The following CLDN1 variants were observed in gnomAD, a reference collection of about 807,000 sequenced individuals.
CLDN1 encodes claudin 1.
Under a neutral mutation model 22.6 loss-of-function variants are expected in CLDN1, and 12 were observed. The ratio of observed to expected loss-of-function variants is 0.53; its 90% CI spans 0.34 to 0.86. The LOEUF is 0.86. Among genes scored for constraint, CLDN1 ranks in the 40% least tolerant of loss-of-function variants. CLDN1 has a pLI of 0.02. For missense variants in CLDN1, 250 were observed against 269.5 expected, an observed-to-expected ratio of 0.93 and a Z score of 0.51; for synonymous variants, 99 against 103.8, an observed-to-expected ratio of 0.95 and a Z score of 0.28.
chr3:190,308,597 G>A (rs1481580975), intron 3 of CLDN1, among the ~76,000 whole-genome samples, 158 bp from the exon 4 acceptor site: 1 of 151,886 alleles, frequency 6.6e-6, no homozygotes, highest in African/African-American at 2.4e-5. Flanking sequence ...GAACATACAC[G>A]CCAAAGAATG....
chr3:190,314,100 A>G (rs1374568508), intron 1 of CLDN1, among the ~76,000 whole-genome samples: 1 of 152,234 alleles, frequency 6.6e-6, no homozygotes, highest in East Asian at 1.9e-4. Flanking sequence ...CAAGAAACTT[A>G]GTATTGTTTG....
In CLDN1 at chr3:190,320,092, T is replaced by A. The variant is rs570678351; in HGVS notation, c.223+1892A>T. Among the ~76,000 whole-genome samples the A allele has an allele frequency of 5.9e-5, 9 of 151,728 alleles. No individual in the cohort carries two copies. In the South Asian group the frequency reaches 1.9e-3, roughly 32 times the overall value. ...TGTGTGTGGGGGGGTAGGTATTTAG[T>A]CCTTTCACCCTAGTTTTAAAAACTG... is the stretch of plus-strand genomic sequence containing the variant. On this transcript the variant is annotated intron_variant, in intron 1 of 3. Coordinates refer to ENST00000295522, the MANE Select transcript of CLDN1 (RefSeq NM_021101.5).
chr3:190,309,348 G>C (rs928648854), intron 3 of CLDN1, among the ~76,000 whole-genome samples: 3 of 152,116 alleles, frequency 2.0e-5, no homozygotes, highest in African/African-American at 7.2e-5. Context: ...CTTATGGGAT[G>C]GGCTCCAACA....
chr3:190,311,694 C>A (rs151057429), intron 2 of CLDN1, among the ~76,000 whole-genome samples: 120 of 150,504 alleles, frequency 8.0e-4, no homozygotes, highest in African/African-American at 2.8e-3. Context: ...ATTATTATAG[C>A]TGTATAATTT....
chr3:190,308,868 G>T (rs1266913986), intron 3 of CLDN1, among the ~76,000 whole-genome samples: 6 of 152,172 alleles, frequency 3.9e-5, no homozygotes, highest in Non-Finnish European at 8.8e-5. Context: ...TTGAACAGAT[G>T]ATCCATTGGT....
chr3:190,309,997 G>A (rs1716566960), intron 3 of CLDN1, among the ~76,000 whole-genome samples, 172 bp downstream of exon 3: 1 of 152,156 alleles, frequency 6.6e-6, no homozygotes, highest in Admixed American at 6.5e-5. Context: ...GGGTGTTAAA[G>A]CAATTATCAA....
intron 1 of CLDN1, among the ~76,000 whole-genome samples, chr3:190,318,418 T>C (rs1716826416): frequency 6.6e-6 from 1 of 152,170 alleles, no homozygotes; most frequent in Non-Finnish European, 1.5e-5. Flanking sequence ...CTGGAAGGAA[T>C]CTTAGAACTC....
chr3:190,315,946 A>G (rs1254868691), intron 1 of CLDN1, among the ~76,000 whole-genome samples: 1 of 152,174 alleles, frequency 6.6e-6, no homozygotes, highest in Non-Finnish European at 1.5e-5. Context: ...ACCCACCTGG[A>G]ATGACCTAAT....
At chr3:190,317,835 C>A (rs1451265336) in intron 1 of CLDN1, among the ~76,000 whole-genome samples, 2 of 152,188 alleles carry the variant, frequency 1.3e-5, no homozygotes, top group Admixed American at 1.3e-4. Flanking sequence ...AGAAATCCAC[C>A]TATAAGTGGA....
intron 2 of CLDN1, among the ~76,000 whole-genome samples, chr3:190,311,260 C>T (rs146740246): frequency 2.0e-4 from 30 of 152,296 alleles, no homozygotes; most frequent in Admixed American, 2.6e-4. Flanking sequence ...TGCATTTCAT[C>T]CTCATCGTCT....
rs1716507984 is a variant in CLDN1 at position 190,308,116 on chromosome 3, AC to A, written c.*160del. On this transcript the variant is annotated 3_prime_UTR_variant, in exon 4 of 4. Transcript: ENST00000295522. ...AAAATAAGATTAAGCCATGTTTAGC[AC>A]TGAGTATTTTAACACATGGGTTTTT... 6.0e-5 allele frequency: 49 copies of A among 812,828 alleles called. No individual in the cohort carries two copies. The South Asian group carries it at 7.3e-4, about 12-fold the overall frequency. 50.4% of individuals were successfully genotyped at this position (812,828 alleles called of 1,614,324 possible).
chr3:190,318,469 G>C (rs563242021), intron 1 of CLDN1, among the ~76,000 whole-genome samples: 4 of 152,256 alleles, frequency 2.6e-5, no homozygotes, highest in Admixed American at 2.6e-4. Flanking sequence ...ATAGGGCCTA[G>C]CTTGCATCTG....
In CLDN1 at chr3:190,322,347, G is replaced by T. The variant is rs1356220350; in HGVS notation, c.-141C>A. ...GGGGAGCCCTGCTCGCTGCGCCGCC[G>T]CTGGAGAAGCTCTGGGTCGGGGTTG... On this transcript the variant is annotated 5_prime_UTR_variant, in exon 1 of 4. Coordinates refer to ENST00000295522, the MANE Select transcript of CLDN1 (RefSeq NM_021101.5). 13 of 772,192 alleles carry T rather than the reference G, an allele frequency of 1.7e-5. No homozygotes were observed. Among genetic ancestry groups the T allele is most frequent in the Non-Finnish European group, 2.6e-5 (12 of 460,634 alleles). The allele number at this position is 772,192 out of a possible 1,614,324, so 47.8% of individuals were successfully genotyped here. A position where few individuals can be genotyped will look rare whatever the true frequency, so the allele number is the denominator to read the frequency against.
chr3:190,312,399 T>C (rs1716647310), intron 2 of CLDN1, among the ~76,000 whole-genome samples: 1 of 152,174 alleles, frequency 6.6e-6, no homozygotes, highest in Admixed American at 6.5e-5. Context: ...CACATCCTGT[T>C]TATTCTCGAA....
chr3:190,310,404 G>A, intron 2 of CLDN1, 151 bp from the exon 3 acceptor site: 1 of 606,020 alleles, frequency 1.7e-6, no homozygotes, highest in Non-Finnish European at 2.9e-6. Context: ...TAGAAGTCCA[G>A]ATATGATTTA....
At chr3:190,314,253 A>T (rs1193558905) in intron 1 of CLDN1, among the ~76,000 whole-genome samples, 1 of 152,214 alleles carries the variant, frequency 6.6e-6, no homozygotes, top group Non-Finnish European at 1.5e-5. Context: ...GCCTAGGCTT[A>T]GTGTTAATAT....
In CLDN1 at chr3:190,308,116, A is replaced by G; in HGVS notation, c.*161T>C. On this transcript the variant is annotated 3_prime_UTR_variant, in exon 4 of 4. Transcript: ENST00000295522. ...AAAATAAGATTAAGCCATGTTTAGC[A>G]CTGAGTATTTTAACACATGGGTTTT... is the stretch of plus-strand genomic sequence containing the variant. 1 of 812,828 alleles carries G rather than the reference A, an allele frequency of 1.2e-6. No individual in the cohort carries two copies. The highest frequency in any genetic ancestry group is 2.0e-6 in the Non-Finnish European group (1 of 489,166). The allele number at this position is 812,828 out of a possible 1,614,324, so 50.4% of individuals were successfully genotyped here. A position where few individuals can be genotyped will look rare whatever the true frequency, so the allele number is the denominator to read the frequency against.
intron 3 of CLDN1, among the ~76,000 whole-genome samples, chr3:190,309,027 C>A (rs1461391556): frequency 6.6e-6 from 1 of 152,040 alleles, no homozygotes; most frequent in Non-Finnish European, 1.5e-5. Flanking sequence ...TGATTATGGA[C>A]AATACGGAAG....
At position 190,307,207 on chromosome 3, in the gene CLDN1, A is replaced by G. The variant is rs1247726235; in HGVS notation, c.*1070T>C. The G allele has an allele frequency of 6.6e-6, 1 of 152,602 alleles. No individual in the cohort carries two copies. The highest frequency in any genetic ancestry group is 1.5e-5 in the Non-Finnish European group (1 of 68,044). 9.5% of individuals were successfully genotyped at this position (152,602 alleles called of 1,614,324 possible). ...CTACAGAGAGAATATTTGTCACCAGATTATCACTCCAGAAAGTCTAGCACT... is the reference window on the plus strand; with the variant it reads ...CTACAGAGAGAATATTTGTCACCAGGTTATCACTCCAGAAAGTCTAGCACT... On this transcript the variant is annotated 3_prime_UTR_variant, in exon 4 of 4. Transcript: ENST00000295522.
Sources: gnomAD v4.1 joint callset for allele counts (sites outside exome capture counted in the v4.1 genomes callset) on GRCh38, gnomAD v4.1.1 for gene constraint, MANE v1.5 for transcripts, NCBI Gene and HGNC (gene_info 2026-07-23, HGNC 2026-07-21) for gene names.